PTPRT: variants seen among roughly 807,000 people sequenced by gnomAD.
PTPRT encodes receptor-type tyrosine-protein phosphatase T.
PTPRT carries 56 observed loss-of-function variants against 176.8 expected under a neutral mutation model. That is an observed-to-expected ratio of 0.32 (90% confidence interval 0.26 to 0.40). The LOEUF is 0.40. PTPRT is among the 10% of genes least tolerant of loss of function. The probability of loss-of-function intolerance (pLI) is 1.00; values close to 1 mark genes in which losing one functional copy is unlikely to be tolerated. For synonymous variants in PTPRT, 783 were observed against 739.0 expected (o/e 1.06, Z -0.96); for missense variants, 1,540 against 1,908.2 (o/e 0.81, Z 3.60).
chr20:42,229,187 G>T (rs2056083219), intron 15 of PTPRT, among the ~76,000 whole-genome samples: 1 of 152,170 alleles, frequency 6.6e-6, no homozygotes, highest in African/African-American at 2.4e-5. Flanking sequence ...AAGAATCTGA[G>T]ATACTTGTTA....
intron 15 of PTPRT, among the ~76,000 whole-genome samples, chr20:42,213,265 G>GTTTCACATCATTAAAA (rs1600685503): frequency 2.6e-5 from 4 of 151,662 alleles, no homozygotes; most frequent in South Asian, 2.1e-4. Flanking sequence ...CTCTTCAGCA[G>GTTTCACATCATTAAAA]GTCTGAATTA....
intron 16 of PTPRT, among the ~76,000 whole-genome samples, chr20:42,187,971 A>G (rs1218636284): frequency 6.6e-6 from 1 of 152,224 alleles, no homozygotes; most frequent in Non-Finnish European, 1.5e-5. Flanking sequence ...TATTCATGGC[A>G]AAGTCTCCAA....
chr20:42,367,060 A>G lies in PTPRT; in HGVS notation c.1561-14775T>C, dbSNP rs904199743. 3.9e-5 allele frequency among the ~76,000 whole-genome samples: 6 copies of G among 152,336 alleles called. No individual in the cohort carries two copies. In the South Asian group the frequency reaches 1.0e-3, roughly 26 times the overall value. Reference sequence around the variant, plus strand: ...TAATAGGAAGGAGTTGTTTTGAATTATATCAGTAAATATTCATGGAGAATA... The same window carrying G: ...TAATAGGAAGGAGTTGTTTTGAATTGTATCAGTAAATATTCATGGAGAATA... On this transcript the variant is annotated intron_variant, in intron 9 of 30. Transcript: ENST00000373187.
chr20:42,420,434 T>C (rs1836287151), intron 9 of PTPRT, among the ~76,000 whole-genome samples: 1 of 151,910 alleles, frequency 6.6e-6, no homozygotes, highest in South Asian at 2.1e-4. Context: ...GCAAACAAAA[T>C]GCATGCTTGT....
intron 1 of PTPRT, among the ~76,000 whole-genome samples, chr20:42,958,305 G>T (rs1423664273): frequency 3.4e-4 from 23 of 67,004 alleles, no homozygotes; most frequent in African/African-American, 1.4e-3. Flanking sequence ...GGAGGGGAGG[G>T]AAGGGGAGGG....
the PTPRT span, among the ~76,000 whole-genome samples, chr20:42,035,228 G>C: frequency 3.9e-5 from 6 of 152,034 alleles, no homozygotes; most frequent in African/African-American, 1.4e-4. Flanking sequence ...TCAGTCCCTG[G>C]ATGTTTACAT....
At chr20:42,672,699 C>A (rs954442800) in intron 7 of PTPRT, among the ~76,000 whole-genome samples, 9 of 152,158 alleles carry the variant, frequency 5.9e-5, no homozygotes, top group African/African-American at 2.2e-4. Flanking sequence ...AAACACTTGA[C>A]AATCTCCCCC....
At chr20:42,845,618 T>C (rs2078357189) in intron 2 of PTPRT, among the ~76,000 whole-genome samples, 2 of 152,140 alleles carry the variant, frequency 1.3e-5, no homozygotes, top group African/African-American at 2.4e-5. Context: ...ACAGCCCACC[T>C]GCTGCACAAG....
chr20:42,323,448 A>C (rs970740939), intron 11 of PTPRT, among the ~76,000 whole-genome samples: 1 of 152,214 alleles, frequency 6.6e-6, no homozygotes, highest in Non-Finnish European at 1.5e-5. Flanking sequence ...TGATGAGTTC[A>C]TGTCCTTTGT....
intron 5 of PTPRT, among the ~76,000 whole-genome samples, chr20:42,765,893 T>C (rs977990723): frequency 4.6e-5 from 7 of 152,190 alleles, no homozygotes; most frequent in African/African-American, 1.7e-4. Context: ...ATTTAGGTTC[T>C]TTCCAGCCTT....
intron 17 of PTPRT, among the ~76,000 whole-genome samples, chr20:42,155,289 A>C (rs2146477255): frequency 1.3e-5 from 2 of 152,274 alleles, no homozygotes; most frequent in Middle Eastern, 6.8e-3. Context: ...CTGGCAGGTG[A>C]AGTTAATTTG....
chr20:42,811,808 A>G (rs2077701998), intron 2 of PTPRT, among the ~76,000 whole-genome samples: 2 of 152,138 alleles, frequency 1.3e-5, no homozygotes, highest in South Asian at 4.1e-4. Flanking sequence ...CTTATCATCA[A>G]TCCTTATGTT....
chr20:42,896,995 T>G (rs1483797350), intron 1 of PTPRT, among the ~76,000 whole-genome samples: 1 of 151,656 alleles, frequency 6.6e-6, no homozygotes. Context: ...GCCGGGGGGG[T>G]GTTTAAATAA....
intron 7 of PTPRT, among the ~76,000 whole-genome samples, chr20:42,595,884 T>C (rs922099603): frequency 5.9e-5 from 9 of 152,304 alleles, no homozygotes; most frequent in African/African-American, 2.2e-4. Context: ...GGGAAATCAG[T>C]ACTGTGCCAG....
chr20:42,169,422 G>A (rs1206696200), intron 16 of PTPRT, among the ~76,000 whole-genome samples: 1 of 151,998 alleles, frequency 6.6e-6, no homozygotes, highest in African/African-American at 2.4e-5. Context: ...ACTCTATGTA[G>A]GGATGGGGGC....
intron 9 of PTPRT, among the ~76,000 whole-genome samples, chr20:42,440,863 T>C (rs2059310036): frequency 6.6e-6 from 1 of 152,200 alleles, no homozygotes; most frequent in Non-Finnish European, 1.5e-5. Context: ...AGGCATCGGC[T>C]GGGGAATTCC....
intron 7 of PTPRT, among the ~76,000 whole-genome samples, chr20:42,587,776 C>T (rs1423576942): frequency 1.3e-5 from 2 of 152,104 alleles, no homozygotes; most frequent in Non-Finnish European, 2.9e-5. Flanking sequence ...CTGGATGGTG[C>T]TTATGATCTA....
intron 19 of PTPRT, among the ~76,000 whole-genome samples, chr20:42,124,702 TG>T (rs1987767148): frequency 6.6e-6 from 1 of 152,230 alleles, no homozygotes; most frequent in South Asian, 2.1e-4. Flanking sequence ...TCTGGAGTAC[TG>T]TTTTGCCAGG....
chr20:42,109,488 T>C (rs1986823224), intron 23 of PTPRT, among the ~76,000 whole-genome samples: 1 of 152,218 alleles, frequency 6.6e-6, no homozygotes, highest in Non-Finnish European at 1.5e-5. Flanking sequence ...AAAATATCTC[T>C]TCTTCATAAT....
Sources: gnomAD v4.1 joint callset for allele counts (sites outside exome capture counted in the v4.1 genomes callset) on GRCh38, gnomAD v4.1.1 for gene constraint, MANE v1.5 for transcripts, NCBI Gene and HGNC (gene_info 2026-07-23, HGNC 2026-07-21) for gene names.